DEPDC5: variants seen among roughly 807,000 people sequenced by gnomAD.
The protein encoded by DEPDC5 is GATOR1 complex protein DEPDC5.
Under a neutral mutation model 217.3 loss-of-function variants are expected in DEPDC5, and 73 were observed. The observed-to-expected ratio is 0.34, with a 90% CI of 0.28 to 0.41. The LOEUF (loss-of-function observed/expected upper bound fraction) is 0.41. DEPDC5 is among the 10% of genes least tolerant of loss of function. The pLI, the probability that DEPDC5 is intolerant of heterozygous loss-of-function variation, is 1.00. For synonymous variants in DEPDC5, 733 were observed against 756.7 expected (o/e 0.97, Z 0.51); for missense variants, 1,675 against 2,070.1 (o/e 0.81, Z 3.70).
At chr22:31,804,050 C>A in intron 15 of DEPDC5, 112 bp from the exon 16 acceptor site, 1 of 954,078 alleles carries the variant, frequency 1.0e-6, no homozygotes, top group Non-Finnish European at 1.6e-6. Flanking sequence ...ATAAATCATA[C>A]AATGGTAAGT....
intron 34 of DEPDC5, 44 bp from the exon 35 acceptor site, chr22:31,873,211 A>C (rs1030725602): frequency 6.2e-7 from 1 of 1,613,694 alleles, no homozygotes; most frequent in Admixed American, 1.7e-5. Flanking sequence ...TCTTGACTGC[A>C]TACGTGCCAT....
At chr22:31,843,034 C>CAATT in intron 27 of DEPDC5, 61 bp from the exon 28 acceptor site, 1 of 1,272,966 alleles carries the variant, frequency 7.9e-7, no homozygotes, top group Non-Finnish European at 1.1e-6. Flanking sequence ...GGATGAGAAA[C>CAATT]AATTGTCTGT....
chr22:31,837,036 G>A lies in DEPDC5; in HGVS notation c.2235G>A (p.Lys745=), dbSNP rs766627084. The A allele has an allele frequency of 4.3e-6, 7 of 1,614,142 alleles. No individual in the cohort carries two copies. In the South Asian group the frequency reaches 7.7e-5, roughly 18 times the overall value. The change falls in exon 26 of 43, where the codon AAG becomes AAA. Residue 745 remains lysine (K), a synonymous_variant. Coordinates refer to ENST00000651528, the MANE Select transcript of DEPDC5 (RefSeq NM_001242896.3). Reference sequence around the variant, plus strand: ...GTTGCACAGTTGGAGTGGACTGGAAGTCTCTCACTACTCCGGCGTGCCTCC... The same window carrying A: ...GTTGCACAGTTGGAGTGGACTGGAAATCTCTCACTACTCCGGCGTGCCTCC... ...GFCCTVGVDW[K]SLTTPACLPL...
chr22:31,784,070 C>A, intron 9 of DEPDC5, 85 bp downstream of exon 9: 2 of 1,049,346 alleles, frequency 1.9e-6, no homozygotes, highest in African/African-American at 1.6e-5. Flanking sequence ...CCCAGGGTCC[C>A]CCACATCATC....
At chr22:31,905,393 A>G (rs181013254) in intron 41 of DEPDC5, among the ~76,000 whole-genome samples, 93 of 151,310 alleles carry the variant, frequency 6.1e-4, no homozygotes, top group African/African-American at 2.2e-3. Context: ...GCGGAGAATC[A>G]CTTGAACCCA....
intron 38 of DEPDC5, 22 bp downstream of exon 38, chr22:31,879,774 G>C (rs1201293634): frequency 8.7e-6 from 14 of 1,600,738 alleles, no homozygotes; most frequent in Non-Finnish European, 1.2e-5. Flanking sequence ...ACCCAGACAA[G>C]GTCTGAGGGT....
chr22:31,829,313 C>A (rs2090411872), intron 24 of DEPDC5, among the ~76,000 whole-genome samples: 1 of 152,172 alleles, frequency 6.6e-6, no homozygotes, highest in African/African-American at 2.4e-5. Flanking sequence ...GGGTGGATCA[C>A]TTGAAGTCAG....
chr22:31,804,986 C>T, intron 17 of DEPDC5, 71 bp downstream of exon 17: 1 of 1,418,222 alleles, frequency 7.1e-7, no homozygotes, highest in Non-Finnish European at 9.8e-7. Flanking sequence ...TTCTTTAAAT[C>T]TGTTAAGTTC....
intron 24 of DEPDC5, among the ~76,000 whole-genome samples, chr22:31,832,328 T>C (rs540632886): frequency 6.6e-6 from 1 of 152,346 alleles, no homozygotes; most frequent in South Asian, 2.1e-4. Context: ...GGTCAAATGG[T>C]AAATCTGTTT....
Position 31,876,251 on chromosome 22 carries a change from A to G in DEPDC5, c.3791A>G (p.Lys1264Arg). ...GFYFYKIVTD[K>R]EPDRVAMQQP... ...TATTTCTACAAGATAGTAACGGACA[A>G]AGAGCCCGACCGAGGTTAGAGCCGA... The change falls in exon 37 of 43, where the codon AAA (lysine) becomes AGA (arginine). Residue 1264 changes from lysine to arginine, a missense_variant. This residue lies in a region of DEPDC5 where 194 missense variants were observed against 199.3 expected (regional missense o/e 0.97). Transcript: ENST00000651528. 6.2e-7 allele frequency: 1 copy of G among 1,613,658 alleles called. No homozygotes were observed. The highest frequency in any genetic ancestry group is 8.5e-7 in the Non-Finnish European group (1 of 1,179,962).
chr22:31,776,672 G>T (rs963821369), intron 7 of DEPDC5, among the ~76,000 whole-genome samples: 1 of 151,058 alleles, frequency 6.6e-6, no homozygotes, highest in African/African-American at 2.4e-5. Context: ...TGCCTCCGGG[G>T]TTCAAGTGAT....
At chr22:31,889,541 C>CTTTTTT (rs136874) in intron 38 of DEPDC5, among the ~76,000 whole-genome samples, 3 of 99,610 alleles carry the variant, frequency 3.0e-5, no homozygotes, top group African/African-American at 1.2e-4. Context: ...GGCAAAACTT[C>CTTTTTT]TTTTTTTTTT....
At chr22:31,839,469 C>T (rs952925552) in intron 27 of DEPDC5, among the ~76,000 whole-genome samples, 1 of 147,910 alleles carries the variant, frequency 6.8e-6, no homozygotes, top group Non-Finnish European at 1.5e-5. Flanking sequence ...CTTCCTGGAA[C>T]AATCAATGAG....
At chr22:31,873,226 C>G in intron 34 of DEPDC5, 29 bp from the exon 35 acceptor site, 1 of 1,613,886 alleles carries the variant, frequency 6.2e-7, no homozygotes, top group Non-Finnish European at 8.5e-7. Flanking sequence ...TGCCATCTTG[C>G]TTTGCTGACC....
chr22:31,848,106 G>A (rs184199527), intron 31 of DEPDC5, among the ~76,000 whole-genome samples: 7 of 152,370 alleles, frequency 4.6e-5, no homozygotes, highest in East Asian at 3.9e-4. Context: ...TTCAGGGCAT[G>A]CTGATACAAG....
intron 4 of DEPDC5, among the ~76,000 whole-genome samples, chr22:31,761,506 T>C (rs1266346993): frequency 6.6e-6 from 1 of 151,964 alleles, no homozygotes; most frequent in Middle Eastern, 3.4e-3. Context: ...TCAAACTATG[T>C]TGCCACTAAA....
chr22:31,902,407 ATTATATATATAT>A (rs967190494), intron 41 of DEPDC5, among the ~76,000 whole-genome samples: 4 of 69,348 alleles, frequency 5.8e-5, no homozygotes, highest in African/African-American at 3.8e-4. Flanking sequence ...TCATCTCCTT[ATTATATATATAT>A]ATATATATAT....
chr22:31,770,230 C>T (rs1320389646), intron 7 of DEPDC5, among the ~76,000 whole-genome samples: 1 of 148,318 alleles, frequency 6.7e-6, no homozygotes, highest in African/African-American at 2.5e-5. Flanking sequence ...GTGAGACTGT[C>T]TCAAAAAAAA....
intron 26 of DEPDC5, 142 bp from the exon 27 acceptor site, chr22:31,838,543 G>C: frequency 9.0e-7 from 1 of 1,108,826 alleles, no homozygotes; most frequent in Non-Finnish European, 1.3e-6. Flanking sequence ...GAGCCACCAT[G>C]CCCAGCTCAA....
Sources: allele counts gnomAD v4.1 joint callset (sites outside exome capture counted in the v4.1 genomes callset), GRCh38; gene constraint gnomAD v4.1.1; regional missense constraint gnomAD v4.1.1; transcripts MANE v1.5; gene names NCBI Gene and HGNC (gene_info 2026-07-23, HGNC 2026-07-21).